The following SLC26A1 variants were observed in gnomAD, a reference collection of about 807,000 sequenced individuals.
The protein encoded by SLC26A1 is sulfate anion transporter 1.
Under a neutral mutation model 14.5 loss-of-function variants are expected in SLC26A1, and 18 were observed. That is an observed-to-expected ratio of 1.24 (90% CI 0.86 to 1.84). The LOEUF is 1.84. Ranked by LOEUF, SLC26A1 falls within the 40% of genes most tolerant of loss-of-function variation. The pLI, the probability that SLC26A1 is intolerant of heterozygous loss-of-function variation, is 0.00. For synonymous variants in SLC26A1, 505 were observed against 492.0 expected (o/e 1.03, Z -0.35); for missense variants, 1,049 against 1,020.0 (o/e 1.03, Z -0.39).
In SLC26A1 at chr4:988,945, T is replaced by G; in HGVS notation, c.1994A>C (p.Glu665Ala). 1 of 1,596,704 alleles carries G rather than the reference T, an allele frequency of 6.3e-7. No homozygotes were observed. Among genetic ancestry groups the G allele is most frequent in the Non-Finnish European group, 8.5e-7 (1 of 1,172,496 alleles). Residue 665 changes from glutamate (E) to alanine (A), a missense_variant, in exon 3 of 3, where the codon GAG (glutamate) becomes GCG (alanine). Transcript: ENST00000398516. The stretch of plus-strand genomic sequence containing the variant: ...CTCCTCAGCCGTGTCCCCGGGGCCC[T>G]CCCCGAGGAAGCCTCCTCTGCTCAG... ...DILSRGGFLGEGPGDTAEEEQ... is the reference protein window; with the variant it reads ...DILSRGGFLGAGPGDTAEEEQ...
downstream of SLC26A1, chr4:987,627 C>T (rs564451958): frequency 8.2e-5 from 118 of 1,443,986 alleles, no homozygotes; most frequent in Middle Eastern, 2.5e-4. Context: ...CTGCTGCTGC[C>T]GTTCCCCATG....
chr4:986,891 G>C (rs1175012941), downstream of SLC26A1: 5 of 666,286 alleles, frequency 7.5e-6, no homozygotes, highest in Admixed American at 4.1e-5. Context: ...AAGGAAGCGG[G>C]GCTCCAAGCC....
chr4:986,848 TC>T (rs1403647586), downstream of SLC26A1: 2 of 643,950 alleles, frequency 3.1e-6, no homozygotes, highest in Admixed American at 4.2e-5. Context: ...GCTTTCCGAG[TC>T]ATCGGTCCTC....
intron 2 of SLC26A1, 195 bp from the exon 3 acceptor site, chr4:990,557 A>T: frequency 1.7e-6 from 1 of 604,264 alleles, no homozygotes; most frequent in South Asian, 2.0e-5. Flanking sequence ...GCCCGCAGAC[A>T]ACTGTGACAT....
downstream of SLC26A1, among the ~76,000 whole-genome samples, chr4:986,047 T>A (rs1262510704): frequency 6.6e-6 from 1 of 152,092 alleles, no homozygotes; most frequent in Non-Finnish European, 1.5e-5. Context: ...ATTTCGTGGG[T>A]AGCTGGGCCT....
chr4:990,311 G>A lies in SLC26A1; in HGVS notation c.628C>T (p.Pro210Ser). ...CCCATGGCAAAGCCATCGAGCAGTG[G>A]CTGTGAGAGGTAGGCGGACACGAAG... ...LGFVSAYLSQ[P>S]LLDGFAMGAS... The change falls in exon 3 of 3, where the codon CCA (proline) becomes TCA (serine). Residue 210 changes from proline (P) to serine (S), a missense_variant. Physicochemically the swap from Pro to Ser is moderately conservative, Grantham distance 74 (BLOSUM62 -1). Transcript: ENST00000398516. The A allele has an allele frequency of 6.2e-7, 1 of 1,605,074 alleles. No individual in the cohort carries two copies. The highest frequency in any genetic ancestry group is 1.1e-5 in the South Asian group (1 of 89,200).
intron 1 of SLC26A1, chr4:992,579 TGG>T: frequency 4.7e-6 from 1 of 213,918 alleles, no homozygotes; most frequent in Non-Finnish European, 9.5e-6. Context: ...CAGACAGTTC[TGG>T]GACGTGAGGC....
In SLC26A1 at chr4:989,708, G is replaced by A. The variant is rs554753768; in HGVS notation, c.1231C>T (p.Arg411Trp). 4.0e-5 allele frequency: 62 copies of A among 1,558,532 alleles called. No individual in the cohort carries two copies. Among genetic ancestry groups the A allele is most frequent in the African/African-American group, 6.8e-5 (5 of 73,840 alleles). Residue 411 changes from arginine to tryptophan, a missense_variant, in exon 3 of 3, where the codon CGG (arginine) becomes TGG (tryptophan). Coordinates refer to ENST00000398516, the MANE Select transcript of SLC26A1 (RefSeq NM_022042.4). ...KSLVKTATGC[R>W]TQLSSVVSAT... ...CTGACCACGCTGGACAGCTGTGTCC[G>A]GCAGCCAGTGGCTGTCTTCACCAGG...
Position 988,537 on chromosome 4 carries a change from G to C in SLC26A1, c.*296C>G. 1 of 1,232,384 alleles carries C rather than the reference G, an allele frequency of 8.1e-7. No individual in the cohort carries two copies. Among genetic ancestry groups the C allele is most frequent in the Non-Finnish European group, 1.0e-6 (1 of 985,126 alleles). 76.3% of individuals were successfully genotyped at this position (1,232,384 alleles called of 1,614,324 possible). On this transcript the variant is annotated 3_prime_UTR_variant, in exon 3 of 3. Coordinates refer to ENST00000398516, the MANE Select transcript of SLC26A1 (RefSeq NM_022042.4). ...TGTTCAAATAAGATGTCAACCCTGA[G>C]CGTCAGGTCAGGCCCATCCCTCCTG... is the stretch of plus-strand genomic sequence containing the variant.
chr4:987,263 G>A (rs970792259), downstream of SLC26A1: 1 of 1,512,154 alleles, frequency 6.6e-7, no homozygotes, highest in Non-Finnish European at 8.8e-7. Context: ...CGCGGCCTCC[G>A]GGACCCCCTG....
rs777080027 is a variant in SLC26A1 at position 991,438 on chromosome 4, G to A, written c.266C>T (p.Ala89Val). Reference protein sequence around the residue: ...IGIILVPQAIAYSLLAGLQPI... With the variant: ...IGIILVPQAIVYSLLAGLQPI... ...CTGCAGCCCGGCCAGCAATGAGTAG[G>A]CGATGGCCTGCGGCACCAGGATGAT... is the stretch of plus-strand genomic sequence containing the variant. Residue 89 changes from alanine to valine, a missense_variant, in exon 2 of 3, where the codon GCC becomes GTC. Transcript: ENST00000398516. 1.2e-6 allele frequency: 2 copies of A among 1,612,770 alleles called. No homozygotes were observed. Among genetic ancestry groups the A allele is most frequent in the Admixed American group, 1.7e-5 (1 of 60,016 alleles).
intron 1 of SLC26A1, among the ~76,000 whole-genome samples, chr4:993,086 C>T (rs530917161): frequency 6.6e-6 from 1 of 152,222 alleles, no homozygotes; most frequent in Non-Finnish European, 1.5e-5. Context: ...AGAGTTGTGT[C>T]CCCTTCCCTG....
chr4:980,976 G>C (rs550536698), intron 2 of SLC26A1, among the ~76,000 whole-genome samples: 1 of 152,090 alleles, frequency 6.6e-6, no homozygotes, highest in Non-Finnish European at 1.5e-5. Context: ...TCACAATCTC[G>C]AGGCTGCCAT....
downstream of SLC26A1, chr4:987,296 GC>G: frequency 2.1e-6 from 3 of 1,460,038 alleles, no homozygotes; most frequent in Non-Finnish European, 2.7e-6. Context: ...GAGCTCGGGC[GC>G]CCCCTGACTG....
rs373321958 is a variant in SLC26A1, at chr4:989,409, G to T, written c.1530C>A (p.Thr510=). The T allele has an allele frequency of 1.9e-6, 3 of 1,560,800 alleles. No homozygotes were observed. The highest frequency in any genetic ancestry group is 1.9e-5 in the Admixed American group (1 of 52,150). Residue 510 remains threonine, a synonymous_variant, in exon 3 of 3, where the codon ACC becomes ACA. Transcript: ENST00000398516. The part of the protein sequence containing the change: ...SLAGRTQRPR[T]ALLARIGDTA... ...TGTCCCCGATGCGGGCCAGCAGGGC[G>T]GTGCGTGGGCGTTGGGTGCGGCCGG...
chr4:980,237 G>A (rs528773845), intron 2 of SLC26A1, among the ~76,000 whole-genome samples: 1 of 152,350 alleles, frequency 6.6e-6, no homozygotes, highest in Non-Finnish European at 1.5e-5. Flanking sequence ...GCACCTGTGG[G>A]CTCTGGAGGG....
In SLC26A1 at chr4:990,066, C is replaced by T. The variant is rs182088046; in HGVS notation, c.873G>A (p.Pro291=). The change falls in exon 3 of 3, where the codon CCG becomes CCA. Residue 291 remains proline (P), a synonymous_variant. Coordinates refer to ENST00000398516, the MANE Select transcript of SLC26A1 (RefSeq NM_022042.4). ...CGATGACCAGCAGCTCCGTGGGCAG[C>T]GGCACCCTCAGGCGGTGTCGGTAGC... ...SDRYRHRLRV[P]LPTELLVIVV... 113 of 1,601,362 alleles carry T rather than the reference C, an allele frequency of 7.1e-5. 1 individual carries two copies. In the Middle Eastern group the frequency reaches 8.3e-4, roughly 12 times the overall value.
intron 2 of SLC26A1, among the ~76,000 whole-genome samples, chr4:980,999 C>T (rs982561705): frequency 1.9e-4 from 29 of 152,146 alleles, no homozygotes; most frequent in Non-Finnish European, 3.1e-4. Flanking sequence ...CCCCTTAGGC[C>T]GCACACCCTG....
chr4:988,752 G>A lies in SLC26A1; in HGVS notation c.*81C>T, dbSNP rs1713950695. On this transcript the variant is annotated 3_prime_UTR_variant, in exon 3 of 3. Coordinates refer to ENST00000398516, the MANE Select transcript of SLC26A1 (RefSeq NM_022042.4). ...CAGCTCTTGGGTGGCTCCTCCCTGG[G>A]AAGGGTCTCAGCAGTGGCTTGCAGA... 11 of 1,438,026 alleles carry A rather than the reference G, an allele frequency of 7.6e-6. No individual in the cohort carries two copies. The highest frequency in any genetic ancestry group is 1.0e-5 in the Non-Finnish European group (11 of 1,096,914). The allele number at this position is 1,438,026 out of a possible 1,614,324, so 89.1% of individuals were successfully genotyped here.
Sources: allele counts gnomAD v4.1 joint callset (sites outside exome capture counted in the v4.1 genomes callset), GRCh38; gene constraint gnomAD v4.1.1; transcripts MANE v1.5; gene names NCBI Gene and HGNC (gene_info 2026-07-23, HGNC 2026-07-21).